Variants in GULP1 observed in about 807,000 individuals in gnomAD.
The protein encoded by GULP1 is GULP PTB domain containing engulfment adaptor 1, also known as PTB domain-containing engulfment adapter protein 1.
A neutral mutation model predicts 40.9 loss-of-function variants in GULP1; 19 were observed. The observed-to-expected ratio is 0.46, with a 90% CI of 0.32 to 0.68. The LOEUF (loss-of-function observed/expected upper bound fraction) is 0.68, where lower values mean the gene tolerates loss of function less well. Among genes scored for constraint, GULP1 ranks in the 30% least tolerant of loss-of-function variants. The pLI, the probability that GULP1 is intolerant of heterozygous loss-of-function variation, is 0.03. For missense variants in GULP1, 312 were observed against 362.2 expected, an observed-to-expected ratio of 0.86 and a Z score of 1.12; for synonymous variants, 119 against 117.6, an observed-to-expected ratio of 1.01 and a Z score of -0.08.
chr2:188,568,863 G>A (rs1698405688), intron 7 of GULP1, among the ~76,000 whole-genome samples: 1 of 152,126 alleles, frequency 6.6e-6, no homozygotes, highest in Non-Finnish European at 1.5e-5. Flanking sequence ...ACTACATTTG[G>A]CACTCTGCTT....
intron 1 of GULP1, among the ~76,000 whole-genome samples, chr2:188,374,179 A>G (rs917484928): frequency 6.6e-6 from 1 of 152,138 alleles, no homozygotes; most frequent in African/African-American, 2.4e-5. Flanking sequence ...ACACCAAAAG[A>G]GTATCTGTAT....
chr2:188,594,145 G>T lies in GULP1; in HGVS notation c.*134G>T. ...TTTTAATATTTTGAAAATTTTCTCA[G>T]TTAAATTTCCTCACCTTCACTATTG... is the stretch of plus-strand genomic sequence containing the variant. On this transcript the variant is annotated 3_prime_UTR_variant, in exon 12 of 12. Coordinates refer to ENST00000409830, the MANE Select transcript of GULP1 (RefSeq NM_016315.4). The T allele has an allele frequency of 3.9e-6, 2 of 519,262 alleles. No individual in the cohort carries two copies. Among genetic ancestry groups the T allele is most frequent in the East Asian group, 6.1e-5 (2 of 32,988 alleles). The allele number at this position is 519,262 out of a possible 1,614,324, so 32.2% of individuals were successfully genotyped here.
At chr2:188,504,269 T>C (rs1394256319) in intron 4 of GULP1, among the ~76,000 whole-genome samples, 2 of 151,916 alleles carry the variant, frequency 1.3e-5, no homozygotes, top group East Asian at 3.9e-4. Flanking sequence ...ATATTTTCAA[T>C]TTGGAAAACA....
intron 1 of GULP1, among the ~76,000 whole-genome samples, chr2:188,379,063 T>C (rs1490728905): frequency 6.6e-6 from 1 of 152,200 alleles, no homozygotes; most frequent in Admixed American, 6.5e-5. Flanking sequence ...AAGTGACTTG[T>C]GTTTTCCACT....
intron 1 of GULP1, among the ~76,000 whole-genome samples, chr2:188,352,618 T>TCTCTCACACACACACA (rs578003996): frequency 3.3e-4 from 45 of 134,500 alleles, no homozygotes; most frequent in South Asian, 1.5e-3. Context: ...TCTCTCTCTC[T>TCTCTCACACACACACA]CACACACACA....
chr2:188,427,667 T>C (rs897472789), intron 2 of GULP1, among the ~76,000 whole-genome samples: 4 of 152,170 alleles, frequency 2.6e-5, no homozygotes, highest in Admixed American at 6.5e-5. Flanking sequence ...GTCTTAAGAG[T>C]TGAGGCTTGA....
At chr2:188,590,490 A>C (rs1242104444) in intron 11 of GULP1, 1 of 152,176 alleles carries the variant, frequency 6.6e-6, no homozygotes, top group Non-Finnish European at 1.5e-5. Context: ...GCCTAGTGAG[A>C]CATTTAGTTT....
chr2:188,403,877 C>CA, intron 2 of GULP1, among the ~76,000 whole-genome samples: 1 of 152,204 alleles, frequency 6.6e-6, no homozygotes, highest in East Asian at 1.9e-4. Context: ...GTCTAGACAG[C>CA]AAGGATATGA....
intron 9 of GULP1, among the ~76,000 whole-genome samples, chr2:188,580,531 C>A (rs1158190737): frequency 7.5e-6 from 1 of 132,762 alleles, no homozygotes; most frequent in Non-Finnish European, 1.6e-5. Context: ...CCAGCCTGGG[C>A]GACAGAGCGA....
chr2:188,395,423 T>A (rs1191669369), intron 2 of GULP1, among the ~76,000 whole-genome samples: 1 of 152,122 alleles, frequency 6.6e-6, no homozygotes, highest in Non-Finnish European at 1.5e-5. Flanking sequence ...CATACTGACC[T>A]CCCATGGAAG....
intron 11 of GULP1, chr2:188,589,249 C>T (rs1172623827): frequency 1.3e-5 from 2 of 152,192 alleles, no homozygotes; most frequent in South Asian, 4.1e-4. Context: ...ACCACCTTAT[C>T]AAATTTCTAT....
chr2:188,408,270 C>T (rs2053399597), intron 2 of GULP1, among the ~76,000 whole-genome samples: 1 of 152,084 alleles, frequency 6.6e-6, no homozygotes. Context: ...ACATCTCAGC[C>T]TCTAGAACTG....
intron 1 of GULP1, among the ~76,000 whole-genome samples, chr2:188,323,454 T>G (rs111349043): frequency 3.4e-4 from 52 of 152,130 alleles, no homozygotes; most frequent in African/African-American, 1.2e-3. Flanking sequence ...CAGTTGGCAA[T>G]AAATGTTTAA....
At chr2:188,430,670 C>T (rs1278941225) in intron 2 of GULP1, among the ~76,000 whole-genome samples, 1 of 152,178 alleles carries the variant, frequency 6.6e-6, no homozygotes, top group Non-Finnish European at 1.5e-5. Context: ...CTCCATTTTC[C>T]CTTGAGGCTG....
intron 1 of GULP1, among the ~76,000 whole-genome samples, chr2:188,356,982 A>C (rs931954445): frequency 6.6e-6 from 1 of 152,142 alleles, no homozygotes; most frequent in African/African-American, 2.4e-5. Flanking sequence ...TCAATAAATC[A>C]TGCTGGGAAA....
At chr2:188,389,956 C>T in intron 2 of GULP1, among the ~76,000 whole-genome samples, 1 of 145,610 alleles carries the variant, frequency 6.9e-6, no homozygotes, top group Admixed American at 6.9e-5. Flanking sequence ...TTATTTCATC[C>T]TTTTTTTTTT....
chr2:188,434,520 T>C (rs1265823865), intron 2 of GULP1, among the ~76,000 whole-genome samples: 1 of 149,324 alleles, frequency 6.7e-6, no homozygotes, highest in Non-Finnish European at 1.5e-5. Context: ...TGAGGAGTCT[T>C]ATATGTTGGA....
chr2:188,333,418 CTAAG>C (rs2041881898), intron 1 of GULP1, among the ~76,000 whole-genome samples: 2 of 152,062 alleles, frequency 1.3e-5, no homozygotes, highest in African/African-American at 4.8e-5. Flanking sequence ...ATATCTCTTA[CTAAG>C]TAAGAGGCAA....
intron 1 of GULP1, chr2:188,294,403 T>C (rs764261188): frequency 4.6e-5 from 7 of 152,198 alleles, no homozygotes; most frequent in Non-Finnish European, 8.8e-5. Flanking sequence ...GGTGAGATGA[T>C]CTCAGTATTT....
Sources: allele counts gnomAD v4.1 joint callset (sites outside exome capture counted in the v4.1 genomes callset), GRCh38; gene constraint gnomAD v4.1.1; transcripts MANE v1.5; gene names NCBI Gene and HGNC (gene_info 2026-07-23, HGNC 2026-07-21).